Variants in APBB2 observed in about 807,000 individuals in gnomAD.
APBB2 encodes amyloid beta precursor protein binding family B member 2, also known as Fe65-like 1.
A neutral mutation model predicts 82.5 loss-of-function variants in APBB2; 38 were observed. The observed-to-expected ratio is 0.46, with a 90% CI of 0.36 to 0.60. The LOEUF is 0.60. Ranked by LOEUF, APBB2 falls within the 20% of genes least tolerant of loss-of-function variation. The pLI, the probability that APBB2 is intolerant of heterozygous loss-of-function variation, is 0.00. For synonymous variants in APBB2, 341 were observed against 368.2 expected (o/e 0.93, Z 0.85); for missense variants, 772 against 972.3 (o/e 0.79, Z 2.74).
At chr4:40,862,676 T>C (rs1329175599) in intron 12 of APBB2, among the ~76,000 whole-genome samples, 1 of 152,160 alleles carries the variant, frequency 6.6e-6, no homozygotes, top group Non-Finnish European at 1.5e-5. Flanking sequence ...CTGGTCAAGA[T>C]GGTGAAACCC....
chr4:41,011,393 C>T lies in APBB2; in HGVS notation c.835+2190G>A, dbSNP rs141026814. Among the ~76,000 whole-genome samples the T allele has an allele frequency of 1.8e-4, 28 of 151,604 alleles. No homozygotes were observed. In the East Asian group the frequency reaches 5.1e-3, roughly 27 times the overall value. ...ACAGGGTTTCACGATATTGGTCAGGCTGGCCTTGAACTCCTGACCTGGTGA... is the reference window on the plus strand; with the variant it reads ...ACAGGGTTTCACGATATTGGTCAGGTTGGCCTTGAACTCCTGACCTGGTGA... On this transcript the variant is annotated intron_variant, in intron 6 of 17. Transcript: ENST00000508593.
intron 2 of APBB2, among the ~76,000 whole-genome samples, chr4:41,116,595 C>G (rs931922456): frequency 8.5e-5 from 13 of 152,086 alleles, no homozygotes; most frequent in Non-Finnish European, 1.6e-4. Context: ...CGCGTCACTG[C>G]TTTCCAACAT....
chr4:41,198,241 T>C, intron 1 of APBB2, among the ~76,000 whole-genome samples: 4 of 152,218 alleles, frequency 2.6e-5, no homozygotes, highest in Admixed American at 2.0e-4. Context: ...ACAAGGAACA[T>C]GTCCTTCTTC....
intron 4 of APBB2, among the ~76,000 whole-genome samples, chr4:41,064,226 C>T (rs932201111): frequency 7.2e-5 from 11 of 152,162 alleles, no homozygotes; most frequent in African/African-American, 2.7e-4. Context: ...GATCCGCCCG[C>T]CTCATCCTCC....
intron 6 of APBB2, among the ~76,000 whole-genome samples, chr4:40,948,266 A>G (rs1308771181): frequency 6.6e-6 from 1 of 152,126 alleles, no homozygotes; most frequent in East Asian, 1.9e-4. Flanking sequence ...TCATAGCCCA[A>G]TCTGCTTTGT....
chr4:41,207,178 G>T (rs1056980817), intron 1 of APBB2, among the ~76,000 whole-genome samples: 3 of 126,086 alleles, frequency 2.4e-5, no homozygotes, highest in Admixed American at 9.9e-5. Flanking sequence ...CAGCCTGGGC[G>T]ACCAAGTGAG....
chr4:41,213,950 C>A (rs577642591), intron 1 of APBB2, among the ~76,000 whole-genome samples: 10 of 152,324 alleles, frequency 6.6e-5, no homozygotes, highest in East Asian at 1.9e-4. Context: ...GGTGCCAGGA[C>A]AAGGGGGTGT....
intron 6 of APBB2, among the ~76,000 whole-genome samples, chr4:40,982,360 AAGGAAGGAAGGAAGGAAGGAAGGAAGG>A (rs1275160562): frequency 3.0e-4 from 5 of 16,862 alleles, no homozygotes; most frequent in African/African-American, 9.5e-4. Flanking sequence ...GGAAGGAAGG[AAGGAAGGAAGGAAGGAAGGAAGGAAGG>A]AAGGAAAGGA....
At chr4:40,816,453 G>A (rs1016971889) in intron 17 of APBB2, among the ~76,000 whole-genome samples, 194 bp from the exon 18 acceptor site, 1 of 152,156 alleles carries the variant, frequency 6.6e-6, no homozygotes, top group Non-Finnish European at 1.5e-5. Context: ...TCAACAAAGG[G>A]GTTTTGGCTT....
chr4:41,171,494 T>C (rs531719006), intron 1 of APBB2, among the ~76,000 whole-genome samples: 118 of 152,242 alleles, frequency 7.8e-4, no homozygotes, highest in African/African-American at 2.8e-3. Context: ...AAACAGAATT[T>C]TGGAAGACAA....
chr4:40,975,685 C>T (rs1420248035), intron 6 of APBB2, among the ~76,000 whole-genome samples: 1 of 151,430 alleles, frequency 6.6e-6, no homozygotes, highest in Non-Finnish European at 1.5e-5. Flanking sequence ...ACCATCACGT[C>T]ATGATGCCTT....
intron 1 of APBB2, among the ~76,000 whole-genome samples, chr4:41,163,127 C>T (rs562778449): frequency 6.6e-6 from 1 of 152,276 alleles, no homozygotes; most frequent in South Asian, 2.1e-4. Flanking sequence ...GATGGAGCAA[C>T]ATGCAATGTG....
chr4:40,915,259 T>A (rs536397373), intron 10 of APBB2, among the ~76,000 whole-genome samples: 79 of 152,246 alleles, frequency 5.2e-4, no homozygotes, highest in African/African-American at 1.8e-3. Flanking sequence ...GCCTCCCTGA[T>A]TACTTAAAGC....
intron 3 of APBB2, among the ~76,000 whole-genome samples, chr4:41,078,626 G>C (rs1039150499): frequency 5.9e-5 from 9 of 152,154 alleles, no homozygotes; most frequent in African/African-American, 1.7e-4. Flanking sequence ...GTTAACACAT[G>C]GTGAAGGGGA....
chr4:41,077,529 T>C (rs541636941), intron 3 of APBB2, among the ~76,000 whole-genome samples: 8 of 151,418 alleles, frequency 5.3e-5, no homozygotes, highest in Non-Finnish European at 1.0e-4. Context: ...GTACATAGAG[T>C]CAGAAGAGCA....
At position 40,821,783 on chromosome 4, in the gene APBB2, T is replaced by C; in HGVS notation, c.2112+88A>G. Reference sequence around the variant, plus strand: ...TACTTTAGGGATTCGACTTTTTTCATTTCCGTGAGTGATTCTGCTATAATG... The same window carrying C: ...TACTTTAGGGATTCGACTTTTTTCACTTCCGTGAGTGATTCTGCTATAATG... On this transcript the variant is annotated intron_variant, in intron 17 of 17. Coordinates refer to ENST00000508593, the MANE Select transcript of APBB2 (RefSeq NM_004307.2). The C allele has an allele frequency of 2.0e-6, 3 of 1,476,402 alleles. No homozygotes were observed. The South Asian group carries it at 3.9e-5, about 19-fold the overall frequency. 91.5% of individuals were successfully genotyped at this position (1,476,402 alleles called of 1,614,324 possible). A position where few individuals can be genotyped will look rare whatever the true frequency, so the allele number is the denominator to read the frequency against.
chr4:40,982,206 AAGAAAGAAAAGAAAG>A (rs1365509722), intron 6 of APBB2, among the ~76,000 whole-genome samples: 1,663 of 41,878 alleles, frequency 0.04, 36 homozygotes, highest in East Asian at 0.074. Flanking sequence ...AAAGAAAGAA[AAGAAAGAAAAGAAAG>A]GAAAGAAAGA....
chr4:41,155,819 G>A (rs1763311729), intron 1 of APBB2, among the ~76,000 whole-genome samples: 1 of 152,158 alleles, frequency 6.6e-6, no homozygotes, highest in Admixed American at 6.5e-5. Context: ...ACTAGTATAG[G>A]GTTTGGCAGA....
At chr4:40,973,399 G>A (rs6845735) in intron 6 of APBB2, among the ~76,000 whole-genome samples, 8,788 of 152,180 alleles carry the variant, frequency 0.058, 849 homozygotes, top group African/African-American at 0.2. Context: ...AGGCCTGGAC[G>A]TGCTAATGAA....
Sources: gnomAD v4.1 joint callset for allele counts (sites outside exome capture counted in the v4.1 genomes callset) on GRCh38, gnomAD v4.1.1 for gene constraint, MANE v1.5 for transcripts, NCBI Gene and HGNC (gene_info 2026-07-23, HGNC 2026-07-21) for gene names.